Variants in TLR5 observed in about 807,000 individuals in gnomAD.
TLR5 encodes toll-like receptor 5.
For synonymous variants in TLR5, 373 were observed against 384.4 expected, an observed-to-expected ratio of 0.97 and a Z score of 0.35; for missense variants, 944 against 999.8, an observed-to-expected ratio of 0.94 and a Z score of 0.75.
At position 223,130,261 on chromosome 1, in the gene TLR5, T is replaced by C. The variant is rs141583546; in HGVS notation, c.-5+2214A>G. Among the ~76,000 whole-genome samples the C allele has an allele frequency of 2.4e-3, 362 of 152,320 alleles. 3 individuals carry two copies. Among genetic ancestry groups the C allele is most frequent in the African/African-American group, 8.2e-3 (339 of 41,566 alleles). On this transcript the variant is annotated intron_variant, in intron 5 of 5. Coordinates refer to ENST00000642603, the MANE Select transcript of TLR5 (RefSeq NM_003268.6). ...TCTTCTAGAAATTTGTCCACAGTTG[T>C]TGTCAAGCTCGCTGGTTTGTGGTTT...
chr1:223,111,513 G>C lies in TLR5; in HGVS notation c.1519C>G (p.Leu507Val). 2 of 1,614,116 alleles carry C rather than the reference G, an allele frequency of 1.2e-6. No homozygotes were observed. Among genetic ancestry groups the C allele is most frequent in the Non-Finnish European group, 1.7e-6 (2 of 1,180,022 alleles). Residue 507 changes from leucine to valine, a missense_variant, in exon 6 of 6, where the codon CTG becomes GTG. Transcript: ENST00000642603. ...TTAAGATAGTTATGATTCAAATACAGAACTTGAAGATGAGAAAGTCCCTCA... is the reference window on the plus strand; with the variant it reads ...TTAAGATAGTTATGATTCAAATACACAACTTGAAGATGAGAAAGTCCCTCA... Reference protein sequence around the residue: ...VFEGLSHLQVLYLNHNYLNSL... With the variant: ...VFEGLSHLQVVYLNHNYLNSL...
Position 223,111,102 on chromosome 1 carries a change from T to C in TLR5, c.1930A>G (p.Ile644Val). Residue 644 changes from isoleucine (I) to valine (V), a missense_variant, in exon 6 of 6, where the codon ATT becomes GTT. Physicochemically the swap from Ile to Val is conservative, Grantham distance 29. Transcript: ENST00000642603. The part of the protein sequence containing the change: ...VLKSLKFSLF[I>V]VCTVTLTLFL... ...AGAGTCAGAGTGACAGTGCATACAA[T>C]GAAAAGGGAGAACTTTAGGGACTTT... The C allele has an allele frequency of 6.2e-7, 1 of 1,614,108 alleles. No homozygotes were observed. The highest frequency in any genetic ancestry group is 8.5e-7 in the Non-Finnish European group (1 of 1,180,022).
In TLR5 at chr1:223,129,896, T is replaced by C. The variant is rs531668979; in HGVS notation, c.-5+2579A>G. ...GAGGTTTCTGTGCACTGCAGAACGG[T>C]TGATTTATTTACTGATGCCCGGTGG... On this transcript the variant is annotated intron_variant, in intron 5 of 5. Coordinates refer to ENST00000642603, the MANE Select transcript of TLR5 (RefSeq NM_003268.6). 3.9e-5 allele frequency among the ~76,000 whole-genome samples: 6 copies of C among 152,186 alleles called. No homozygotes were observed. The South Asian group carries it at 1.0e-3, about 26-fold the overall frequency.
At chr1:223,128,932 G>A (rs1193604289) in intron 5 of TLR5, 1 of 152,170 alleles carries the variant, frequency 6.6e-6, no homozygotes, top group Non-Finnish European at 1.5e-5. Flanking sequence ...CAAGAACCTG[G>A]ACAACTTGCA....
rs779961093 is a variant in TLR5 at position 223,131,901 on chromosome 1, G to A, written c.-5+574C>T. Among the ~76,000 whole-genome samples, 4 of 151,558 alleles carry A rather than the reference G, an allele frequency of 2.6e-5. No homozygotes were observed. Among genetic ancestry groups the A allele is most frequent in the African/African-American group, 7.3e-5 (3 of 41,350 alleles). On this transcript the variant is annotated intron_variant, in intron 5 of 5. Coordinates refer to ENST00000642603, the MANE Select transcript of TLR5 (RefSeq NM_003268.6). This position sits in a 1 kb window ranked among gnomAD's most constrained non-coding sequence, Gnocchi z 4.2. Reference sequence around the variant, plus strand: ...TGGCCTATATGCACTCTTTATCTCCGTCCCCTGGTATTCTGGGTACATTTC... The same window carrying A: ...TGGCCTATATGCACTCTTTATCTCCATCCCCTGGTATTCTGGGTACATTTC...
chr1:223,120,514 T>C (rs1656909959), intron 5 of TLR5, among the ~76,000 whole-genome samples: 1 of 152,238 alleles, frequency 6.6e-6, no homozygotes, highest in Non-Finnish European at 1.5e-5. Context: ...CTGAACACCT[T>C]AGGCACATGT....
rs556812460 is a variant in TLR5 at position 223,109,910 on chromosome 1, C to T, written c.*545G>A. The T allele has an allele frequency of 1.8e-5, 3 of 167,368 alleles. No homozygotes were observed. Among genetic ancestry groups the T allele is most frequent in the East Asian group, 3.4e-4 (2 of 5,946 alleles). The allele number at this position is 167,368 out of a possible 1,614,324, so 10.4% of individuals were successfully genotyped here. ...AGTACAGTCACAAGACAGGTAGTGA[C>T]TCATTCATCCCAGCTTCTTTGGGGC... On this transcript the variant is annotated 3_prime_UTR_variant, in exon 6 of 6. Coordinates refer to ENST00000642603, the MANE Select transcript of TLR5 (RefSeq NM_003268.6).
At chr1:223,123,789 C>T (rs1657041772) in intron 5 of TLR5, 1 of 152,198 alleles carries the variant, frequency 6.6e-6, no homozygotes, top group African/African-American at 2.4e-5. Flanking sequence ...TGAAGTTGTT[C>T]CAGACCCAAT....
At chr1:223,122,634 G>A (rs537795199) in intron 5 of TLR5, among the ~76,000 whole-genome samples, 1 of 152,320 alleles carries the variant, frequency 6.6e-6, no homozygotes, top group Admixed American at 6.5e-5. Flanking sequence ...TAAGCATGTT[G>A]GCTTCATTGC....
At position 223,110,026 on chromosome 1, in the gene TLR5, T is replaced by G. The variant is rs2102853532; in HGVS notation, c.*429A>C. The G allele has an allele frequency of 5.0e-6, 1 of 199,426 alleles. No homozygotes were observed. Among genetic ancestry groups the G allele is most frequent in the Admixed American group, 5.3e-5 (1 of 18,726 alleles). The allele number at this position is 199,426 out of a possible 1,614,324, so 12.4% of individuals were successfully genotyped here. ...AAGGAAATGTGCCTCTGCTTCTGTTTGTTTTCTACTTAATGTTGTTTTGCA... is the reference window on the plus strand; with the variant it reads ...AAGGAAATGTGCCTCTGCTTCTGTTGGTTTTCTACTTAATGTTGTTTTGCA... On this transcript the variant is annotated 3_prime_UTR_variant, in exon 6 of 6. Transcript: ENST00000642603.
intron 5 of TLR5, among the ~76,000 whole-genome samples, chr1:223,119,803 T>C (rs974930036): frequency 2.0e-5 from 3 of 150,488 alleles, no homozygotes; most frequent in Non-Finnish European, 2.9e-5. Context: ...CTACTAAAAA[T>C]ACAAAAAATT....
At position 223,110,111 on chromosome 1, in the gene TLR5, C is replaced by T. The variant is rs1656243376; in HGVS notation, c.*344G>A. 2 of 318,160 alleles carry T rather than the reference C, an allele frequency of 6.3e-6. No homozygotes were observed. The highest frequency in any genetic ancestry group is 4.4e-5 in the African/African-American group (2 of 45,930). 19.7% of individuals were successfully genotyped at this position (318,160 alleles called of 1,614,324 possible). ...TTTTTTAGCTGAATGCTAGAGAAAG[C>T]ACGTCAGCCATCTGCAACTTCTCCC... is the stretch of plus-strand genomic sequence containing the variant. On this transcript the variant is annotated 3_prime_UTR_variant, in exon 6 of 6. Transcript: ENST00000642603.
At chr1:223,130,749 A>G (rs1657366851) in intron 5 of TLR5, among the ~76,000 whole-genome samples, 1 of 152,080 alleles carries the variant, frequency 6.6e-6, no homozygotes, top group Admixed American at 6.6e-5. Flanking sequence ...ATTTCCCCCA[A>G]ATTCAGAGCA....
chr1:223,119,549 G>T (rs1251337704), intron 5 of TLR5, among the ~76,000 whole-genome samples: 1 of 151,954 alleles, frequency 6.6e-6, no homozygotes, highest in East Asian at 1.9e-4. Flanking sequence ...AAGGTGAGGG[G>T]GTCAGACACG....
At position 223,110,600 on chromosome 1, in the gene TLR5, T is replaced by C. The variant is rs1656266861; in HGVS notation, c.2432A>G (p.Gln811Arg). 2 of 1,614,110 alleles carry C rather than the reference T, an allele frequency of 1.2e-6. No individual in the cohort carries two copies. Among genetic ancestry groups the C allele is most frequent in the Admixed American group, 1.7e-5 (1 of 60,002 alleles). ...AGGCCACCTCAAATACTGCTGTTTCTGTACAAAGCCTCTGATGGATTGATG... is the reference window on the plus strand; with the variant it reads ...AGGCCACCTCAAATACTGCTGTTTCCGTACAAAGCCTCTGATGGATTGATG... ...MKHQSIRGFVQKQQYLRWPED... is the reference protein window; with the variant it reads ...MKHQSIRGFVRKQQYLRWPED... The change falls in exon 6 of 6, where the codon CAG becomes CGG. Residue 811 changes from glutamine to arginine, a missense_variant. Coordinates refer to ENST00000642603, the MANE Select transcript of TLR5 (RefSeq NM_003268.6).
At chr1:223,125,186 TG>T (rs563079363) in intron 5 of TLR5, among the ~76,000 whole-genome samples, 102 of 152,356 alleles carry the variant, frequency 6.7e-4, no homozygotes, top group African/African-American at 2.4e-3. Flanking sequence ...ACATTAATAT[TG>T]TTCCCTAATA....
intron 5 of TLR5, among the ~76,000 whole-genome samples, chr1:223,126,344 G>A (rs1657165240): frequency 6.6e-6 from 1 of 152,186 alleles, no homozygotes; most frequent in Non-Finnish European, 1.5e-5. Flanking sequence ...CAGGGGCTGG[G>A]AGGGGAGGAT....
intron 5 of TLR5, among the ~76,000 whole-genome samples, chr1:223,124,411 C>G (rs898737943): frequency 6.7e-6 from 1 of 149,708 alleles, no homozygotes. Flanking sequence ...CCACTGCACT[C>G]CAGCCTGGGC....
At chr1:223,142,181 C>T (rs1198042744) in intron 1 of TLR5, among the ~76,000 whole-genome samples, 2 of 152,180 alleles carry the variant, frequency 1.3e-5, no homozygotes, top group African/African-American at 2.4e-5. Context: ...CTGCAAGAGC[C>T]TGACTGCTCC....
Sources: gnomAD v4.1 joint callset for allele counts (sites outside exome capture counted in the v4.1 genomes callset) on GRCh38, gnomAD v4.1.1 for gene constraint, Gnocchi (gnomAD v3.1) non-coding constraint, MANE v1.5 for transcripts, NCBI Gene and HGNC (gene_info 2026-07-23, HGNC 2026-07-21) for gene names.